CARMIL1: variants seen among roughly 807,000 people sequenced by gnomAD.
CARMIL1 encodes capping protein regulator and myosin 1 linker 1, also known as F-actin-uncapping protein LRRC16A.
In CARMIL1, 90 loss-of-function variants were observed where a neutral mutation model predicts 177.1. The observed-to-expected ratio is 0.51, with a 90% CI of 0.43 to 0.61. The LOEUF (loss-of-function observed/expected upper bound fraction) is 0.61. Among genes scored for constraint, CARMIL1 ranks in the 20% least tolerant of loss-of-function variants. The pLI is 0.00. For synonymous variants in CARMIL1, 577 were observed against 606.2 expected (o/e 0.95, Z 0.71); for missense variants, 1,380 against 1,667.0 (o/e 0.83, Z 3.00).
chr6:25,368,461 T>C (rs1314857258), intron 2 of CARMIL1, among the ~76,000 whole-genome samples: 1 of 152,184 alleles, frequency 6.6e-6, no homozygotes, highest in Admixed American at 6.5e-5. Flanking sequence ...TAGAGCACAT[T>C]GAACAGACAG....
intron 2 of CARMIL1, among the ~76,000 whole-genome samples, chr6:25,339,828 G>A (rs1786714126): frequency 6.6e-6 from 1 of 152,166 alleles, no homozygotes; most frequent in Non-Finnish European, 1.5e-5. Flanking sequence ...AATAACCTGT[G>A]CCATTGGGGC....
At chr6:25,437,046 T>A (rs1797292732) in intron 5 of CARMIL1, among the ~76,000 whole-genome samples, 1 of 152,122 alleles carries the variant, frequency 6.6e-6, no homozygotes, top group Non-Finnish European at 1.5e-5. Context: ...AGCAAAACCT[T>A]AGGAATGGGT....
intron 8 of CARMIL1, among the ~76,000 whole-genome samples, chr6:25,459,445 A>G (rs531076846): frequency 6.6e-6 from 1 of 150,710 alleles, no homozygotes; most frequent in African/African-American, 2.4e-5. Context: ...TAAAGATGGG[A>G]TTTCACCATG....
At chr6:25,304,291 A>G (rs1255591618) in intron 2 of CARMIL1, among the ~76,000 whole-genome samples, 2 of 152,178 alleles carry the variant, frequency 1.3e-5, no homozygotes, top group Non-Finnish European at 2.9e-5. Context: ...GGGATAGAGG[A>G]TGGGGAATTG....
At chr6:25,340,316 T>A (rs1021589656) in intron 2 of CARMIL1, among the ~76,000 whole-genome samples, 1 of 152,236 alleles carries the variant, frequency 6.6e-6, no homozygotes, top group African/African-American at 2.4e-5. Flanking sequence ...GTGTTCAGTG[T>A]GTAGCTTAAT....
chr6:25,302,295 A>C (rs1782916570), intron 2 of CARMIL1, among the ~76,000 whole-genome samples: 1 of 152,222 alleles, frequency 6.6e-6, no homozygotes, highest in African/African-American at 2.4e-5. Flanking sequence ...GAATGAGTGA[A>C]GATACAGAAT....
chr6:25,435,384 G>A, intron 4 of CARMIL1, 99 bp from the exon 5 acceptor site: 1 of 1,366,768 alleles, frequency 7.3e-7, no homozygotes, highest in Non-Finnish European at 9.7e-7. Context: ...TATTGTATTA[G>A]TATATATCTG....
chr6:25,560,895 C>T (rs150849768), intron 29 of CARMIL1, among the ~76,000 whole-genome samples: 11 of 152,230 alleles, frequency 7.2e-5, no homozygotes, highest in East Asian at 5.8e-4. Context: ...TTGTTGGAAA[C>T]GTGTGTCAAA....
At chr6:25,619,108 C>G (rs550442906) in intron 36 of CARMIL1, among the ~76,000 whole-genome samples, 2 of 152,322 alleles carry the variant, frequency 1.3e-5, no homozygotes, top group East Asian at 3.9e-4. Flanking sequence ...TGGAGCAGAA[C>G]CGCTTCAAAG....
intron 2 of CARMIL1, among the ~76,000 whole-genome samples, chr6:25,390,921 T>C (rs4712927): frequency 0.14 from 22,033 of 152,138 alleles, 1,832 homozygotes; most frequent in East Asian, 0.32. Flanking sequence ...AGGCTGGTCT[T>C]GAACTGCTGA....
chr6:25,588,280 T>C (rs1178174386), intron 31 of CARMIL1, among the ~76,000 whole-genome samples: 3 of 152,214 alleles, frequency 2.0e-5, no homozygotes, highest in Non-Finnish European at 4.4e-5. Flanking sequence ...AGATAAACCT[T>C]TACTATGTTA....
chr6:25,407,695 G>A (rs1794504798), intron 2 of CARMIL1, among the ~76,000 whole-genome samples: 1 of 152,140 alleles, frequency 6.6e-6, no homozygotes, highest in Admixed American at 6.5e-5. Flanking sequence ...AGTAATAAAA[G>A]GACAAGGAAC....
Position 25,465,257 on chromosome 6 carries a change from T to G in CARMIL1, c.615-616T>G, listed in dbSNP as rs539966402. ...TTTATGAAGGAGGCCAGGCACTGTGTCTTATGCCTGTAATCTCAGCACTTT... is the reference window on the plus strand; with the variant it reads ...TTTATGAAGGAGGCCAGGCACTGTGGCTTATGCCTGTAATCTCAGCACTTT... On this transcript the variant is annotated intron_variant, in intron 8 of 36. Coordinates refer to ENST00000329474, the MANE Select transcript of CARMIL1 (RefSeq NM_017640.6). 3.9e-5 allele frequency among the ~76,000 whole-genome samples: 6 copies of G among 152,192 alleles called. 1 individual carries two copies. Among genetic ancestry groups the G allele is most frequent in the South Asian group, 4.1e-4 (2 of 4,820 alleles).
intron 2 of CARMIL1, among the ~76,000 whole-genome samples, chr6:25,357,071 A>G (rs1581672300): frequency 2.1e-5 from 3 of 142,614 alleles, no homozygotes; most frequent in Non-Finnish European, 4.5e-5. Context: ...AGCAGAAGTC[A>G]TTGTGTTTTT....
chr6:25,457,666 C>T (rs1322987954), intron 8 of CARMIL1, among the ~76,000 whole-genome samples: 4 of 151,996 alleles, frequency 2.6e-5, no homozygotes, highest in South Asian at 2.1e-4. Context: ...TTTTACCAGC[C>T]GTTCCACGAG....
chr6:25,534,022 C>G (rs949050217), intron 24 of CARMIL1, among the ~76,000 whole-genome samples: 1 of 152,108 alleles, frequency 6.6e-6, no homozygotes, highest in African/African-American at 2.4e-5. Context: ...CCATTACCCA[C>G]TAAACCCTGT....
chr6:25,345,924 A>G (rs940832436), intron 2 of CARMIL1, among the ~76,000 whole-genome samples: 1 of 152,148 alleles, frequency 6.6e-6, no homozygotes, highest in Non-Finnish European at 1.5e-5. Context: ...GTCTGGTGTC[A>G]TTCTTGATTT....
chr6:25,485,830 G>C (rs1246044827), intron 12 of CARMIL1, among the ~76,000 whole-genome samples: 1 of 151,754 alleles, frequency 6.6e-6, no homozygotes, highest in Non-Finnish European at 1.5e-5. Context: ...TTTTACATAG[G>C]ATCTGAAAGA....
At chr6:25,610,002 G>A in intron 35 of CARMIL1, 48 bp from the exon 36 acceptor site, 1 of 1,546,408 alleles carries the variant, frequency 6.5e-7, no homozygotes, top group Non-Finnish European at 8.7e-7. Flanking sequence ...TATGTTCTTG[G>A]AATCCAGTTT....
Sources: allele counts gnomAD v4.1 joint callset (sites outside exome capture counted in the v4.1 genomes callset), GRCh38; gene constraint gnomAD v4.1.1; transcripts MANE v1.5; gene names NCBI Gene and HGNC (gene_info 2026-07-23, HGNC 2026-07-21).